Variants in KCNQ1 observed in about 807,000 individuals in gnomAD.
KCNQ1 encodes potassium voltage-gated channel subfamily Q member 1, also known as potassium voltage-gated channel subfamily KQT member 1.
A neutral mutation model predicts 72.4 loss-of-function variants in KCNQ1; 49 were observed. That is an observed-to-expected ratio of 0.68 (90% CI 0.54 to 0.86). The LOEUF (loss-of-function observed/expected upper bound fraction) is 0.86. Among genes scored for constraint, KCNQ1 ranks in the 40% least tolerant of loss-of-function variants. The pLI is 0.00. For synonymous variants in KCNQ1, 450 were observed against 412.6 expected, an observed-to-expected ratio of 1.09 and a Z score of -1.10; for missense variants, 790 against 945.1, an observed-to-expected ratio of 0.84 and a Z score of 2.15.
rs1847431191 is a variant in KCNQ1, at chr11:2,808,935, G to T, written c.1794+30898G>T. On this transcript the variant is annotated intron_variant, in intron 15 of 15. Coordinates refer to ENST00000155840, the MANE Select transcript of KCNQ1 (RefSeq NM_000218.3). This position sits in a 1 kb window ranked among gnomAD's most constrained non-coding sequence, Gnocchi z 6.0. Reference sequence around the variant, plus strand: ...TGAATAGATGGGTGGACAGATGGAAGGATGGATGGATATATGGATGCATGG... The same window carrying T: ...TGAATAGATGGGTGGACAGATGGAATGATGGATGGATATATGGATGCATGG... 6.6e-6 allele frequency among the ~76,000 whole-genome samples: 1 copy of T among 151,890 alleles called. No individual in the cohort carries two copies. Among genetic ancestry groups the T allele is most frequent in the African/African-American group, 2.4e-5 (1 of 41,340 alleles).
intron 11 of KCNQ1, chr11:2,688,535 G>T: frequency 2.5e-6 from 1 of 398,704 alleles, no homozygotes; most frequent in South Asian, 1.3e-4. Context: ...CCAGGCCAGT[G>T]GCCCTAGTGT....
In KCNQ1 at chr11:2,678,850, C is replaced by T. The variant is rs1003905941; in HGVS notation, c.1514+16769C>T. ...ACTTCAAGGAAGGCAGAATCCAGGT[C>T]GGGGGTGCACAGGAGTTGCCAGCTG... On this transcript the variant is annotated intron_variant, in intron 11 of 15. Transcript: ENST00000155840. The surrounding 1 kb of genome is among the most constrained non-coding windows in gnomAD (Gnocchi z 4.9). 6 of 398,402 alleles carry T rather than the reference C, an allele frequency of 1.5e-5. No homozygotes were observed. Among genetic ancestry groups the T allele is most frequent in the African/African-American group, 2.1e-5 (1 of 48,578 alleles). The allele number at this position is 398,402 out of a possible 1,614,324, so 24.7% of individuals were successfully genotyped here. A position where few individuals can be genotyped will look rare whatever the true frequency, so the allele number is the denominator to read the frequency against.
chr11:2,453,722 AC>A (rs1302364597), intron 1 of KCNQ1, among the ~76,000 whole-genome samples: 1 of 152,180 alleles, frequency 6.6e-6, no homozygotes, highest in Non-Finnish European at 1.5e-5. Context: ...GTCTTCACTG[AC>A]CTGTGACCCA....
rs1271419744 is a variant in KCNQ1, at chr11:2,679,881, G to A, written c.1514+17800G>A. Reference sequence around the variant, plus strand: ...TTTCATATAAACTTAGAACTAGCACGCCTAATTTTTTTTTTATTTTTATTT... The same window carrying A: ...TTTCATATAAACTTAGAACTAGCACACCTAATTTTTTTTTTATTTTTATTT... On this transcript the variant is annotated intron_variant, in intron 11 of 15. Transcript: ENST00000155840. This position sits in a 1 kb window ranked among gnomAD's most constrained non-coding sequence, Gnocchi z 4.8. The A allele has an allele frequency of 1.8e-5, 7 of 398,128 alleles. No individual in the cohort carries two copies. Among genetic ancestry groups the A allele is most frequent in the Non-Finnish European group, 2.2e-5 (5 of 226,010 alleles). 24.7% of individuals were successfully genotyped at this position (398,128 alleles called of 1,614,324 possible).
intron 15 of KCNQ1, among the ~76,000 whole-genome samples, chr11:2,829,264 T>C (rs751257539): frequency 2.6e-5 from 4 of 152,126 alleles, no homozygotes; most frequent in Non-Finnish European, 5.9e-5. Context: ...CTGCTCAGCA[T>C]GCCTACAGTG....
chr11:2,503,304 G>T (rs1192074042), intron 1 of KCNQ1, among the ~76,000 whole-genome samples: 1 of 152,142 alleles, frequency 6.6e-6, no homozygotes. Flanking sequence ...AATATGTAAG[G>T]AGCTCAAACA....
At position 2,658,802 on chromosome 11, in the gene KCNQ1, C is replaced by T. The variant is rs1849898288; in HGVS notation, c.1394-3159C>T. The T allele has an allele frequency of 2.5e-6, 1 of 398,426 alleles. No homozygotes were observed. The highest frequency in any genetic ancestry group is 2.1e-5 in the African/African-American group (1 of 48,594). The allele number at this position is 398,426 out of a possible 1,614,324, so 24.7% of individuals were successfully genotyped here. A position where few individuals can be genotyped will look rare whatever the true frequency, so the allele number is the denominator to read the frequency against. ...GACCAGAGTTCATCCTTGCCCCCTC[C>T]CCCACAACTTATTTATAGCTTTTTC... On this transcript the variant is annotated intron_variant, in intron 10 of 15. Coordinates refer to ENST00000155840, the MANE Select transcript of KCNQ1 (RefSeq NM_000218.3). This position sits in a 1 kb window ranked among gnomAD's most constrained non-coding sequence, Gnocchi z 4.9.
Position 2,623,041 on chromosome 11 carries a change from G to A in KCNQ1, c.1393+34187G>A. ...CCATGTGTCAGGGGAGGGGCCTGGTGGGGGGCAAACTTCCCCCTTGCTGTT... is the reference window on the plus strand; with the variant it reads ...CCATGTGTCAGGGGAGGGGCCTGGTAGGGGGCAAACTTCCCCCTTGCTGTT... On this transcript the variant is annotated intron_variant, in intron 10 of 15. Transcript: ENST00000155840. The surrounding 1 kb of genome is among the most constrained non-coding windows in gnomAD (Gnocchi z 5.2). The A allele has an allele frequency of 2.5e-6, 1 of 398,558 alleles. No homozygotes were observed. Among genetic ancestry groups the A allele is most frequent in the Non-Finnish European group, 4.4e-6 (1 of 226,112 alleles). The allele number at this position is 398,558 out of a possible 1,614,324, so 24.7% of individuals were successfully genotyped here. A position where few individuals can be genotyped will look rare whatever the true frequency, so the allele number is the denominator to read the frequency against.
At chr11:2,587,458 C>T in intron 8 of KCNQ1, 112 bp from the exon 9 acceptor site, 2 of 1,504,552 alleles carry the variant, frequency 1.3e-6, no homozygotes, top group South Asian at 1.1e-5. Flanking sequence ...GACCCTGCCA[C>T]CCAGAGGGGA....
At position 2,475,563 on chromosome 11, in the gene KCNQ1, T is replaced by G. The variant is rs1846557554; in HGVS notation, c.386+30079T>G. ...AAGATAGCAGACATTCCATTCAACC[T>G]TCATCTCAAAGAATTAGGGCAAGGA... is the stretch of plus-strand genomic sequence containing the variant. On this transcript the variant is annotated intron_variant, in intron 1 of 15. Transcript: ENST00000155840. The surrounding 1 kb of genome is among the most constrained non-coding windows in gnomAD (Gnocchi z 5.8). 6.6e-6 allele frequency among the ~76,000 whole-genome samples: 1 copy of G among 152,224 alleles called. No homozygotes were observed. Among genetic ancestry groups the G allele is most frequent in the Non-Finnish European group, 1.5e-5 (1 of 68,040 alleles).
At chr11:2,825,771 G>A (rs1043988701) in intron 15 of KCNQ1, among the ~76,000 whole-genome samples, 14 of 152,282 alleles carry the variant, frequency 9.2e-5, no homozygotes, top group Non-Finnish European at 1.8e-4. Context: ...ATGAGTCTCC[G>A]GGTACTTTGC....
intron 15 of KCNQ1, among the ~76,000 whole-genome samples, chr11:2,844,504 AG>A (rs925145823): frequency 2.6e-5 from 4 of 152,170 alleles, no homozygotes; most frequent in African/African-American, 9.7e-5. Flanking sequence ...AGCTTCAGGG[AG>A]CCCTTCAGTG....
intron 10 of KCNQ1, chr11:2,614,106 T>C (rs1050794984): frequency 2.5e-6 from 1 of 398,548 alleles, no homozygotes; most frequent in Non-Finnish European, 4.4e-6. Flanking sequence ...GCAGCTATGC[T>C]CACCATTCTT....
intron 11 of KCNQ1, among the ~76,000 whole-genome samples, chr11:2,700,270 G>A (rs757757320): frequency 1.8e-4 from 28 of 151,996 alleles, no homozygotes; most frequent in Admixed American, 6.5e-4. Flanking sequence ...GCCCCCACCC[G>A]TCGTCCCTGA....
intron 15 of KCNQ1, among the ~76,000 whole-genome samples, chr11:2,791,610 C>T (rs1230075212): frequency 2.6e-5 from 4 of 152,068 alleles, no homozygotes; most frequent in Non-Finnish European, 4.4e-5. Context: ...AAGGACGGGG[C>T]GAACCGGCGG....
intron 11 of KCNQ1, chr11:2,684,396 C>A (rs1296306247): frequency 5.0e-6 from 2 of 398,544 alleles, no homozygotes; most frequent in Non-Finnish European, 8.8e-6. Flanking sequence ...GGGGTCCATC[C>A]CCCTGATTCC....
chr11:2,637,070 C>G (rs1396601496), intron 10 of KCNQ1: 2 of 151,476 alleles, frequency 1.3e-5, no homozygotes, highest in Non-Finnish European at 3.0e-5. Flanking sequence ...TTTGATTCTT[C>G]TCTCTTCTTT....
At position 2,520,455 on chromosome 11, in the gene KCNQ1, C is replaced by A. The variant is rs1421870351; in HGVS notation, c.387-7473C>A. ...CAGGAAGCAGGTGAACCTGTGGGGA[C>A]CTTGGCGACCTCCAAACCCTGCTGA... On this transcript the variant is annotated intron_variant, in intron 1 of 15. Transcript: ENST00000155840. Among the ~76,000 whole-genome samples the A allele has an allele frequency of 3.3e-5, 5 of 152,176 alleles. No homozygotes were observed. The South Asian group carries it at 1.0e-3, about 31-fold the overall frequency.
chr11:2,655,755 G>A, intron 10 of KCNQ1: 1 of 371,360 alleles, frequency 2.7e-6, no homozygotes, highest in Non-Finnish European at 4.7e-6. Flanking sequence ...ACAGGGAAGA[G>A]GTGGCAGCTC....
Sources: gnomAD v4.1 joint callset for allele counts (sites outside exome capture counted in the v4.1 genomes callset) on GRCh38, gnomAD v4.1.1 for gene constraint, Gnocchi (gnomAD v3.1) non-coding constraint, MANE v1.5 for transcripts, NCBI Gene and HGNC (gene_info 2026-07-23, HGNC 2026-07-21) for gene names.